RBFOX1: variants seen among roughly 807,000 people sequenced by gnomAD.
RBFOX1 encodes RNA binding protein fox-1 homolog 1.
In RBFOX1, 8 loss-of-function variants were observed where a neutral mutation model predicts 57.7. That is an observed-to-expected ratio of 0.14 (90% CI 0.08 to 0.25). The LOEUF is 0.25. RBFOX1 is among the 10% of genes least tolerant of loss of function. The pLI is 1.00. For missense variants in RBFOX1, 611 were observed against 548.5 expected, an observed-to-expected ratio of 1.11 and a Z score of -1.14; for synonymous variants, 326 against 222.4, an observed-to-expected ratio of 1.47 and a Z score of -4.15.
chr16:5,558,336 A>G (rs1224775335), intron 2 of RBFOX1, among the ~76,000 whole-genome samples: 3 of 152,154 alleles, frequency 2.0e-5, no homozygotes, highest in Admixed American at 6.5e-5. Flanking sequence ...CCAACCCTAG[A>G]TGCAGCTGTG....
intron 4 of RBFOX1, among the ~76,000 whole-genome samples, chr16:7,194,589 T>C (rs764960487): frequency 6.6e-6 from 1 of 152,166 alleles, no homozygotes; most frequent in Non-Finnish European, 1.5e-5. Context: ...CCATTCTGTT[T>C]TCTACCCCTT....
chr16:7,616,556 A>C (rs2058479765), intron 10 of RBFOX1, among the ~76,000 whole-genome samples: 1 of 152,202 alleles, frequency 6.6e-6, no homozygotes, highest in Non-Finnish European at 1.5e-5. Context: ...TCAGGCATAC[A>C]AAAACAATTT....
intron 4 of RBFOX1, among the ~76,000 whole-genome samples, chr16:7,493,345 T>A (rs1177509690): frequency 1.3e-5 from 2 of 152,216 alleles, no homozygotes; most frequent in East Asian, 1.9e-4. Context: ...TCAGCAAGTT[T>A]TATTGGACAG....
chr16:6,383,677 G>A (rs2092016497), intron 2 of RBFOX1, among the ~76,000 whole-genome samples: 1 of 152,082 alleles, frequency 6.6e-6, no homozygotes, highest in Non-Finnish European at 1.5e-5. Context: ...GGCTGAGGCA[G>A]GAGAATTGCA....
intron 1 of RBFOX1, among the ~76,000 whole-genome samples, chr16:6,172,147 A>T (rs574817015): frequency 6.6e-6 from 1 of 152,042 alleles, no homozygotes; most frequent in African/African-American, 2.4e-5. Flanking sequence ...TTGGTCAAGG[A>T]TGTCACACTG....
intron 4 of RBFOX1, among the ~76,000 whole-genome samples, chr16:7,199,353 A>G (rs1413260196): frequency 6.6e-6 from 1 of 152,196 alleles, no homozygotes; most frequent in African/African-American, 2.4e-5. Flanking sequence ...ATCATTTGAA[A>G]AATCGAATGG....
At chr16:7,513,520 G>C (rs2075676714) in intron 4 of RBFOX1, among the ~76,000 whole-genome samples, 1 of 152,108 alleles carries the variant, frequency 6.6e-6, no homozygotes, top group African/African-American at 2.4e-5. Context: ...CATTTGGGGC[G>C]GGACAGTCTT....
intron 3 of RBFOX1, among the ~76,000 whole-genome samples, chr16:5,783,029 C>T (rs1243578552): frequency 6.6e-6 from 1 of 152,170 alleles, no homozygotes; most frequent in Non-Finnish European, 1.5e-5. Flanking sequence ...CCCCAAACAC[C>T]CTCATGGACA....
At chr16:5,303,637 C>A (rs548217177) in intron 1 of RBFOX1, among the ~76,000 whole-genome samples, 4 of 152,102 alleles carry the variant, frequency 2.6e-5, no homozygotes, top group Non-Finnish European at 5.9e-5. Flanking sequence ...CTCTCTCCCC[C>A]ACCACAGTGC....
At chr16:6,570,499 A>G (rs77530220) in intron 2 of RBFOX1, among the ~76,000 whole-genome samples, 1 of 152,036 alleles carries the variant, frequency 6.6e-6, no homozygotes, top group African/African-American at 2.4e-5. Flanking sequence ...CTCTCTCTAT[A>G]TATATATATA....
At chr16:7,152,070 C>A (rs1022592373) in intron 4 of RBFOX1, among the ~76,000 whole-genome samples, 5 of 152,138 alleles carry the variant, frequency 3.3e-5, no homozygotes, top group Non-Finnish European at 4.4e-5. Context: ...TGTTGACAGT[C>A]CCTGTATTGA....
At chr16:7,240,031 A>C (rs374769125) in intron 4 of RBFOX1, among the ~76,000 whole-genome samples, 91 of 152,270 alleles carry the variant, frequency 6.0e-4, no homozygotes, top group African/African-American at 2.1e-3. Context: ...CAATGCTGCA[A>C]TGTCTGCTCA....
At chr16:6,603,618 G>A (rs12933349) in intron 2 of RBFOX1, among the ~76,000 whole-genome samples, 10,501 of 152,124 alleles carry the variant, frequency 0.069, 505 homozygotes, top group Non-Finnish European at 0.096. Flanking sequence ...AAGCCCCCCC[G>A]GGCAGCCGCT....
chr16:5,786,954 G>A (rs1462439578), intron 3 of RBFOX1, among the ~76,000 whole-genome samples: 4 of 152,156 alleles, frequency 2.6e-5, no homozygotes, highest in African/African-American at 9.7e-5. Context: ...TGGCCAACAT[G>A]GTGAAACCCC....
chr16:5,675,707 G>C (rs1309568585), intron 3 of RBFOX1, among the ~76,000 whole-genome samples: 1 of 152,190 alleles, frequency 6.6e-6, no homozygotes, highest in Non-Finnish European at 1.5e-5. Context: ...GAGCCCATCT[G>C]TCAGGGAGGG....
chr16:7,045,768 G>T (rs2047708658), intron 3 of RBFOX1, among the ~76,000 whole-genome samples: 1 of 151,792 alleles, frequency 6.6e-6, no homozygotes, highest in South Asian at 2.1e-4. Context: ...CAGTTCTCTT[G>T]CCTCAGCCTC....
intron 2 of RBFOX1, among the ~76,000 whole-genome samples, chr16:6,514,398 C>T (rs1163123804): frequency 6.6e-6 from 1 of 152,088 alleles, no homozygotes; most frequent in Non-Finnish European, 1.5e-5. Context: ...CTTTCTTTTG[C>T]CCACATGAAT....
Position 5,968,490 on chromosome 16 carries a change from G to A in RBFOX1, c.351+101155G>A, listed in dbSNP as rs575187665. ...GTGACTTGTGTTGGATGTAGAACAC[G>A]TGGGTCACTTTATTTAAGTCTCTTA... On this transcript the variant is annotated intron_variant, in intron 4 of 19. Transcript: ENST00000641259. 6.6e-5 allele frequency among the ~76,000 whole-genome samples: 10 copies of A among 152,300 alleles called. 1 individual carries two copies. The South Asian group carries it at 1.0e-3, about 16-fold the overall frequency.
chr16:5,767,496 A>G (rs2053827028), intron 3 of RBFOX1, among the ~76,000 whole-genome samples: 2 of 152,134 alleles, frequency 1.3e-5, no homozygotes, highest in African/African-American at 4.8e-5. Context: ...GCATGTGTGT[A>G]TGGGTTCAGA....
Sources: allele counts gnomAD v4.1 joint callset (sites outside exome capture counted in the v4.1 genomes callset), GRCh38; gene constraint gnomAD v4.1.1; transcripts MANE v1.5; gene names NCBI Gene and HGNC (gene_info 2026-07-23, HGNC 2026-07-21).